SOX5: variants seen among roughly 807,000 people sequenced by gnomAD.
The protein encoded by SOX5 is SRY-box transcription factor 5, also known as transcription factor SOX-5.
Under a neutral mutation model 92.0 loss-of-function variants are expected in SOX5, and 9 were observed. That is an observed-to-expected ratio of 0.10 (90% CI 0.06 to 0.17). The LOEUF (loss-of-function observed/expected upper bound fraction) is 0.17, where lower values mean the gene tolerates loss of function less well. SOX5 is among the 10% of genes least tolerant of loss of function. SOX5 has a pLI of 1.00. For missense variants in SOX5, 642 were observed against 944.5 expected (o/e 0.68, Z 4.20); for synonymous variants, 344 against 336.3 (o/e 1.02, Z -0.25).
chr12:23,580,081 A>C (rs1437762423), intron 9 of SOX5, among the ~76,000 whole-genome samples: 7 of 152,082 alleles, frequency 4.6e-5, no homozygotes, highest in African/African-American at 1.7e-4. Flanking sequence ...AAGCTAAACA[A>C]ATTTTAACTA....
intron 4 of SOX5, among the ~76,000 whole-genome samples, chr12:24,047,389 C>T (rs1231812670): frequency 6.6e-6 from 1 of 152,170 alleles, no homozygotes; most frequent in Non-Finnish European, 1.5e-5. Flanking sequence ...ATTTTGCACA[C>T]AGAAAATTAT....
At chr12:23,935,534 A>G (rs1290568173) in intron 1 of SOX5, among the ~76,000 whole-genome samples, 2 of 151,198 alleles carry the variant, frequency 1.3e-5, no homozygotes, top group South Asian at 4.1e-4. Context: ...GAGAAATACT[A>G]CATAGTTACA....
At position 23,530,945 on chromosome 12, in the gene SOX5, T is replaced by G. The variant is rs1417242741; in HGVS notation, c.*3274A>C. ...TTAGTTTGATCTTTTGATCTTACTC[T>G]CATTTTCTTTATCTTTTTTGGTCAT... On this transcript the variant is annotated 3_prime_UTR_variant, in exon 15 of 15. Transcript: ENST00000451604. 6.6e-6 allele frequency: 1 copy of G among 152,162 alleles called. No homozygotes were observed. Among genetic ancestry groups the G allele is most frequent in the Non-Finnish European group, 1.5e-5 (1 of 68,032 alleles). The allele number at this position is 152,162 out of a possible 1,614,324, so 9.4% of individuals were successfully genotyped here.
intron 1 of SOX5, among the ~76,000 whole-genome samples, chr12:24,536,113 G>A (rs957463611): frequency 1.3e-5 from 2 of 152,178 alleles, no homozygotes; most frequent in African/African-American, 4.8e-5. Flanking sequence ...GGAAGATAGA[G>A]GTGAGCTCCG....
rs377445532 is a variant in SOX5 at position 24,289,532 on chromosome 12, C to T, written c.-173-12220G>A. 1.4e-4 allele frequency among the ~76,000 whole-genome samples: 17 copies of T among 118,534 alleles called. 2 individuals are homozygous for T. The highest frequency in any genetic ancestry group is 8.2e-4 in the African/African-American group (17 of 20,760). The allele number at this position is 118,534 out of a possible 152,430, so 77.8% of individuals were successfully genotyped here. A position where few individuals can be genotyped will look rare whatever the true frequency, so the allele number is the denominator to read the frequency against. ...GCAGTGGCGGGATCTCGGCTCACTG[C>T]AAGCTCCGCCTCCCGGGTTCACGCC... On this transcript the variant is annotated intron_variant, in intron 2 of 4. Coordinates refer to the SOX5 transcript ENST00000446891.
rs192152969 is a variant in SOX5, at chr12:23,625,645, C to T, written c.1017+15167G>A. On this transcript the variant is annotated intron_variant, in intron 8 of 14. Coordinates refer to ENST00000451604, the MANE Select transcript of SOX5 (RefSeq NM_006940.6). Reference sequence around the variant, plus strand: ...TGTTGTTTGAGACTAAGTCTCGCTCCGTTGCCCAGGCTGGTGTGCGGTGGC... The same window carrying T: ...TGTTGTTTGAGACTAAGTCTCGCTCTGTTGCCCAGGCTGGTGTGCGGTGGC... 7.2e-5 allele frequency among the ~76,000 whole-genome samples: 11 copies of T among 152,180 alleles called. No homozygotes were observed. The East Asian group carries it at 9.7e-4, about 13-fold the overall frequency.
chr12:24,026,270 A>G (rs888501680), intron 4 of SOX5, among the ~76,000 whole-genome samples: 4 of 151,754 alleles, frequency 2.6e-5, no homozygotes, highest in African/African-American at 9.7e-5. Flanking sequence ...CTTAACATGG[A>G]TATTTCTCCA....
chr12:23,559,525 G>C (rs192042479), intron 11 of SOX5, among the ~76,000 whole-genome samples: 3 of 152,054 alleles, frequency 2.0e-5, no homozygotes, highest in Non-Finnish European at 4.4e-5. Flanking sequence ...AATGTGTTTC[G>C]GTAAAAATGA....
rs578010108 is a variant in SOX5, at chr12:23,888,637, A to G, written c.270+7156T>C. Among the ~76,000 whole-genome samples the G allele has an allele frequency of 9.2e-5, 14 of 152,296 alleles. No homozygotes were observed. The South Asian group carries it at 2.7e-3, about 29-fold the overall frequency. On this transcript the variant is annotated intron_variant, in intron 2 of 14. Transcript: ENST00000451604. ...TATCCAGTGGCTTTGATGGACCCCAACTGATTGTTTTTCACACGTCCCCAT... is the reference window on the plus strand; with the variant it reads ...TATCCAGTGGCTTTGATGGACCCCAGCTGATTGTTTTTCACACGTCCCCAT...
intron 4 of SOX5, among the ~76,000 whole-genome samples, chr12:24,154,871 G>T (rs1360387888): frequency 6.6e-6 from 1 of 151,952 alleles, no homozygotes; most frequent in Admixed American, 6.6e-5. Context: ...GGAAAATTGG[G>T]TATAAACTTT....
At chr12:24,016,058 T>C (rs1953562983) in intron 4 of SOX5, among the ~76,000 whole-genome samples, 1 of 152,112 alleles carries the variant, frequency 6.6e-6, no homozygotes, top group African/African-American at 2.4e-5. Flanking sequence ...AACCAGTCAG[T>C]GATTTCACAA....
At chr12:23,702,852 C>T (rs55768520) in intron 6 of SOX5, among the ~76,000 whole-genome samples, 4,540 of 151,972 alleles carry the variant, frequency 0.03, 118 homozygotes, top group Non-Finnish European at 0.048. Flanking sequence ...GAAAAGGATT[C>T]ACTCATCTTT....
intron 4 of SOX5, among the ~76,000 whole-genome samples, chr12:24,113,887 T>G (rs894163480): frequency 2.6e-5 from 4 of 152,188 alleles, no homozygotes; most frequent in African/African-American, 9.6e-5. Flanking sequence ...TGGCAGTTAA[T>G]AGAATCAAAT....
At chr12:23,736,777 G>A (rs1483002527) in intron 5 of SOX5, among the ~76,000 whole-genome samples, 11 of 145,708 alleles carry the variant, frequency 7.5e-5, no homozygotes, top group Non-Finnish European at 1.0e-4. Context: ...TGCAACCACC[G>A]CCTCCTGAGT....
chr12:24,477,202 C>A (rs1945491988), intron 1 of SOX5, among the ~76,000 whole-genome samples: 1 of 151,026 alleles, frequency 6.6e-6, no homozygotes, highest in Non-Finnish European at 1.5e-5. Context: ...GGCACGATCT[C>A]AGCTCACTGC....
chr12:23,892,340 C>G (rs547172842), intron 2 of SOX5, among the ~76,000 whole-genome samples: 1 of 152,212 alleles, frequency 6.6e-6, no homozygotes, highest in East Asian at 1.9e-4. Flanking sequence ...CAAAGGCCAT[C>G]TGGTATGCTC....
chr12:23,586,094 C>A (rs1950689044), intron 9 of SOX5, among the ~76,000 whole-genome samples: 1 of 152,038 alleles, frequency 6.6e-6, no homozygotes, highest in Admixed American at 6.6e-5. Flanking sequence ...TCTCTCTCTC[C>A]CTCCTTTCTT....
chr12:24,302,086 A>G (rs1488524872), intron 2 of SOX5, among the ~76,000 whole-genome samples: 1 of 152,192 alleles, frequency 6.6e-6, no homozygotes, highest in Non-Finnish European at 1.5e-5. Context: ...AAAATAAAAT[A>G]AAATGTAAAA....
intron 7 of SOX5, among the ~76,000 whole-genome samples, chr12:23,646,926 G>A (rs2080933224): frequency 1.3e-5 from 2 of 152,122 alleles, no homozygotes. Context: ...TCAAAATCCT[G>A]TTAATGTTGG....
Sources: gnomAD v4.1 joint callset for allele counts (sites outside exome capture counted in the v4.1 genomes callset) on GRCh38, gnomAD v4.1.1 for gene constraint, MANE v1.5 for transcripts, NCBI Gene and HGNC (gene_info 2026-07-23, HGNC 2026-07-21) for gene names.